Variants in FN1 observed in about 807,000 individuals in gnomAD.
FN1 encodes fibronectin.
A neutral mutation model predicts 297.3 loss-of-function variants in FN1; 106 were observed. The ratio of observed to expected loss-of-function variants is 0.36; its 90% CI spans 0.30 to 0.42. FN1 has a LOEUF of 0.42. Ranked by LOEUF, FN1 falls within the 10% of genes least tolerant of loss-of-function variation. The probability of loss-of-function intolerance (pLI) is 1.00; values close to 1 mark genes in which losing one functional copy is unlikely to be tolerated. For missense variants in FN1, 2,690 were observed against 3,124.9 expected (o/e 0.86, Z 3.32); for synonymous variants, 1,149 against 1,152.6 (o/e 1.00, Z 0.06).
At chr2:215,405,899 C>T (rs2061714881) in intron 19 of FN1, among the ~76,000 whole-genome samples, 1 of 152,120 alleles carries the variant, frequency 6.6e-6, no homozygotes, top group Admixed American at 6.5e-5. Flanking sequence ...ATGAATTCTA[C>T]TCTAAGTGTT....
chr2:215,407,316 T>C lies in FN1; in HGVS notation c.2524A>G (p.Arg842Gly). 1 of 1,614,020 alleles carries C rather than the reference T, an allele frequency of 6.2e-7. No individual in the cohort carries two copies. The part of the protein sequence containing the change: ...SRPQAPITGY[R>G]IVYSPSVEGS... The stretch of plus-strand genomic sequence containing the variant: ...TCTACTGATGGCGAATAGACTATTC[T>C]GTACCCTGCAGATTCATGAGCAAAA... Residue 842 changes from arginine (R) to glycine (G), a missense_variant, in exon 18 of 46, where the codon AGA becomes GGA. Coordinates refer to ENST00000354785, the MANE Select transcript of FN1 (RefSeq NM_212482.4).
rs1412967152 is a variant in FN1 at position 215,364,968 on chromosome 2, C to T, written c.7162G>A (p.Asp2388Asn). ...CCTACGTGGTATGTCTTCCCATCAT[C>T]ATAACACGTTGCCTCATCTGCATAT... ...KCDPHEATCYDDGKTYHVGEQ... is the reference protein window; with the variant it reads ...KCDPHEATCYNDGKTYHVGEQ... Residue 2388 changes from aspartate (D) to asparagine (N), a missense_variant, in exon 44 of 46, where the codon GAT (aspartate) becomes AAT (asparagine). By Grantham distance (23) the Asp-to-Asn change is conservative (BLOSUM62 1). Coordinates refer to ENST00000354785, the MANE Select transcript of FN1 (RefSeq NM_212482.4). The T allele has an allele frequency of 4.2e-5, 67 of 1,578,802 alleles. No individual in the cohort carries two copies. The highest frequency in any genetic ancestry group is 5.3e-5 in the Non-Finnish European group (62 of 1,160,898).
intron 13 of FN1, among the ~76,000 whole-genome samples, chr2:215,411,665 CTTTTT>C (rs11367419): frequency 1.7e-5 from 2 of 120,174 alleles, no homozygotes. Context: ...ATTCAATGTA[CTTTTT>C]TTTTTTTTTT....
intron 13 of FN1, 122 bp downstream of exon 13, chr2:215,414,715 T>G: frequency 1.3e-6 from 2 of 1,488,918 alleles, no homozygotes; most frequent in Non-Finnish European, 1.8e-6. Context: ...TAAACAAATA[T>G]AGTAAATGCT....
chr2:215,420,567 A>T, intron 11 of FN1, 106 bp downstream of exon 11: 1 of 1,431,666 alleles, frequency 7.0e-7, no homozygotes. Context: ...AACTGATCAA[A>T]GTCTGGAGCC....
chr2:215,404,301 T>C (rs2061488969), intron 20 of FN1, 88 bp downstream of exon 20: 1 of 1,315,864 alleles, frequency 7.6e-7, no homozygotes, highest in Non-Finnish European at 1.1e-6. Flanking sequence ...TTTTTAATGT[T>C]TTTTTTGTTT....
rs1559474918 is a variant in FN1 at position 215,401,233 on chromosome 2, A to AG, written c.3254-1883dup. 5.2e-3 allele frequency among the ~76,000 whole-genome samples: 283 copies of AG among 54,478 alleles called. 12 individuals are homozygous for AG. The highest frequency in any genetic ancestry group is 0.02 in the African/African-American group (258 of 12,998). 35.7% of individuals were successfully genotyped at this position (54,478 alleles called of 152,430 possible). Reference sequence around the variant, plus strand: ...AAGAAAGAAAGAAAGAAAGAAAGAAAGAAAGAAAGAAAGAAAGGAAGAAAG... The same window carrying AG: ...AAGAAAGAAAGAAAGAAAGAAAGAAAGGAAAGAAAGAAAGAAAGGAAGAAAG... On this transcript the variant is annotated intron_variant, in intron 20 of 45. Coordinates refer to ENST00000354785, the MANE Select transcript of FN1 (RefSeq NM_212482.4).
Position 215,372,291 on chromosome 2 carries a change from G to A in FN1, c.6332C>T (p.Thr2111Ile), listed in dbSNP as rs1349127454. 1.2e-5 allele frequency: 20 copies of A among 1,614,214 alleles called. No individual in the cohort carries two copies. Among genetic ancestry groups the A allele is most frequent in the Non-Finnish European group, 1.5e-5 (18 of 1,180,030 alleles). Residue 2111 changes from threonine (T) to isoleucine (I), a missense_variant, in exon 40 of 46, where the codon ACC becomes ATC. Thr to Ile is a moderately conservative substitution (Grantham distance 89, BLOSUM62 -1). Around this residue, in one of 3 missense-constraint regions of FN1, gnomAD observed 1,743 missense variants for 1,945.2 expected, o/e 0.90. Coordinates refer to ENST00000354785, the MANE Select transcript of FN1 (RefSeq NM_212482.4). The stretch of plus-strand genomic sequence containing the variant: ...ATACCCAGGGTGGGTGACGAAAGGG[G>A]TCTTTTGAACTGTGGAAGGAACATC... The part of the protein sequence containing the change: ...ILDVPSTVQK[T>I]PFVTHPGYDT...
Position 215,382,277 on chromosome 2 carries a change from A to G in FN1, c.5099T>C (p.Val1700Ala). Reference sequence around the variant, plus strand: ...TGGATTCTGAGCATAGACACTAACCACATACTCCACTGTGGGCTGCAAGCC... The same window carrying G: ...TGGATTCTGAGCATAGACACTAACCGCATACTCCACTGTGGGCTGCAAGCC... ...IEGLQPTVEY[V>A]VSVYAQNPSG... Residue 1700 changes from valine (V) to alanine (A), a missense_variant, in exon 32 of 46, where the codon GTG (valine) becomes GCG (alanine). By Grantham distance (64) the Val-to-Ala change is moderately conservative. Transcript: ENST00000354785. 3 of 1,613,998 alleles carry G rather than the reference A, an allele frequency of 1.9e-6. No homozygotes were observed. The highest frequency in any genetic ancestry group is 2.5e-6 in the Non-Finnish European group (3 of 1,179,886).
At chr2:215,392,151 C>T in intron 25 of FN1, 1 of 306,336 alleles carries the variant, frequency 3.3e-6, no homozygotes, top group South Asian at 3.3e-5. Context: ...TGCCACACAG[C>T]AAAGAGAAAC....
At chr2:215,372,519 A>G (rs2056431882) in intron 39 of FN1, 144 bp from the exon 40 acceptor site, 1 of 690,470 alleles carries the variant, frequency 1.4e-6, no homozygotes, top group African/African-American at 1.8e-5. Flanking sequence ...TGAGATCACA[A>G]AACACTTTTT....
At chr2:215,375,566 T>G in intron 37 of FN1, 63 bp downstream of exon 37, 1 of 1,344,204 alleles carries the variant, frequency 7.4e-7, no homozygotes, top group Admixed American at 1.7e-5. Context: ...CATTTGTTTT[T>G]TGAGTTCATG....
intron 20 of FN1, among the ~76,000 whole-genome samples, chr2:215,400,844 G>A (rs978637111): frequency 6.7e-6 from 1 of 149,928 alleles, no homozygotes; most frequent in Non-Finnish European, 1.5e-5. Context: ...CACCCAGGCT[G>A]GAGTGCAGTG....
chr2:215,382,893 T>C (rs56088527), intron 31 of FN1, among the ~76,000 whole-genome samples: 2,545 of 152,078 alleles, frequency 0.017, 40 homozygotes, highest in Middle Eastern at 0.054. Context: ...AATGATGACA[T>C]AGGACAAAAA....
At position 215,410,031 on chromosome 2, in the gene FN1, C is replaced by T. The variant is rs2062365863; in HGVS notation, c.2025G>A (p.Val675=). The part of the protein sequence containing the change: ...SYTIKGLKPG[V]VYEGQLISIQ... ...TGCTGATGAGCTGGCCCTCGTATAC[C>T]ACACCAGGCTTCAGGCCTTTGATGG... The change falls in exon 14 of 46, where the codon GTG becomes GTA. Residue 675 remains valine, a synonymous_variant. Transcript: ENST00000354785. 2.5e-6 allele frequency: 4 copies of T among 1,613,960 alleles called. No homozygotes were observed. The highest frequency in any genetic ancestry group is 2.2e-5 in the East Asian group (1 of 44,866).
chr2:215,410,285 A>AT (rs933491623), intron 13 of FN1, among the ~76,000 whole-genome samples, 171 bp from the exon 14 acceptor site: 2 of 152,124 alleles, frequency 1.3e-5, no homozygotes, highest in Non-Finnish European at 2.9e-5. Context: ...ATATCGTTAG[A>AT]TATAGTTAGA....
intron 44 of FN1, chr2:215,364,457 G>GT: frequency 3.6e-6 from 1 of 278,970 alleles, no homozygotes; most frequent in Non-Finnish European, 7.0e-6. Flanking sequence ...GCCCAGGATG[G>GT]GGAGAACCGG....
intron 12 of FN1, among the ~76,000 whole-genome samples, chr2:215,416,355 C>T (rs1397277493): frequency 6.6e-6 from 1 of 152,074 alleles, no homozygotes; most frequent in Non-Finnish European, 1.5e-5. Flanking sequence ...ACAGAACACA[C>T]AGGATGTTTG....
In FN1 at chr2:215,384,003, A is replaced by G; in HGVS notation, c.4894+17T>C. On this transcript the variant is annotated intron_variant, in intron 30 of 45. Coordinates refer to ENST00000354785, the MANE Select transcript of FN1 (RefSeq NM_212482.4). ...AATAAGTAAAAGCTGGTGTCACCCC[A>G]GAGTAGAAGTTTGTACCTGTTCGGT... 6.2e-7 allele frequency: 1 copy of G among 1,613,654 alleles called. No homozygotes were observed. The highest frequency in any genetic ancestry group is 1.1e-5 in the South Asian group (1 of 91,064).
Sources: gnomAD v4.1 joint callset for allele counts (sites outside exome capture counted in the v4.1 genomes callset) on GRCh38, gnomAD v4.1.1 for gene constraint, gnomAD v4.1.1 regional missense constraint, MANE v1.5 for transcripts, NCBI Gene and HGNC (gene_info 2026-07-23, HGNC 2026-07-21) for gene names.